Variants in ST8SIA1 observed in about 807,000 individuals in gnomAD.
ST8SIA1 encodes the protein ST8 alpha-N-acetyl-neuraminide alpha-2,8-sialyltransferase 1.
Under a neutral mutation model 35.9 loss-of-function variants are expected in ST8SIA1, and 16 were observed. That is an observed-to-expected ratio of 0.45 (90% CI 0.30 to 0.68). ST8SIA1 has a LOEUF of 0.68. ST8SIA1 is among the 30% of genes least tolerant of loss of function. The pLI is 0.09. For missense variants in ST8SIA1, 383 were observed against 453.6 expected (o/e 0.84, Z 1.41); for synonymous variants, 170 against 169.6 (o/e 1.00, Z -0.02).
intron 1 of ST8SIA1, among the ~76,000 whole-genome samples, chr12:22,321,366 G>T (rs1175053758): frequency 6.6e-6 from 1 of 152,194 alleles, no homozygotes; most frequent in Non-Finnish European, 1.5e-5. Flanking sequence ...GCCAAGCAGG[G>T]TTCACGCGGA....
chr12:22,298,370 C>T (rs1410548291), intron 1 of ST8SIA1, among the ~76,000 whole-genome samples: 1 of 152,108 alleles, frequency 6.6e-6, no homozygotes. Context: ...GGGACTAAAC[C>T]CTCATCCTGT....
intron 4 of ST8SIA1, among the ~76,000 whole-genome samples, chr12:22,216,610 T>G (rs949603503): frequency 1.5e-4 from 23 of 152,350 alleles, no homozygotes; most frequent in Middle Eastern, 3.4e-3. Flanking sequence ...ATCAAGGTAC[T>G]TGTCATCTTG....
At chr12:22,258,537 TTAAG>T (rs1156232075) in intron 2 of ST8SIA1, among the ~76,000 whole-genome samples, 1 of 151,942 alleles carries the variant, frequency 6.6e-6, no homozygotes, top group Non-Finnish European at 1.5e-5. Flanking sequence ...TATTGATAGA[TTAAG>T]TAAGACAACA....
chr12:22,272,045 C>T (rs1865916731), intron 2 of ST8SIA1, among the ~76,000 whole-genome samples: 1 of 152,178 alleles, frequency 6.6e-6, no homozygotes, highest in Admixed American at 6.5e-5. Context: ...ATCCTTACCA[C>T]TGAATGCTTA....
At chr12:22,317,637 C>T (rs578164055) in intron 1 of ST8SIA1, among the ~76,000 whole-genome samples, 2 of 152,286 alleles carry the variant, frequency 1.3e-5, no homozygotes, top group East Asian at 1.9e-4. Flanking sequence ...TCCCCCAGAG[C>T]GAGTGATCCC....
rs1865019288 is a variant in ST8SIA1 at position 22,198,877 on chromosome 12, TG to T, written c.*2674del. 1 of 152,124 alleles carries T rather than the reference TG, an allele frequency of 6.6e-6. No homozygotes were observed. The highest frequency in any genetic ancestry group is 2.4e-5 in the African/African-American group (1 of 41,418). 9.4% of individuals were successfully genotyped at this position (152,124 alleles called of 1,614,324 possible). A position where few individuals can be genotyped will look rare whatever the true frequency, so the allele number is the denominator to read the frequency against. ...GGATCCCTAACCTCTACTAAGTACA[TG>T]CTATTAGCACCCTTGAGTCATGAAA... On this transcript the variant is annotated 3_prime_UTR_variant, in exon 5 of 5. Coordinates refer to ENST00000396037, the MANE Select transcript of ST8SIA1 (RefSeq NM_003034.4).
chr12:22,314,051 G>T (rs560558798), intron 1 of ST8SIA1, among the ~76,000 whole-genome samples: 2 of 152,132 alleles, frequency 1.3e-5, no homozygotes, highest in African/African-American at 4.8e-5. Flanking sequence ...TCTGAGGAGG[G>T]ATAAAGGAGG....
At chr12:22,287,018 G>A in intron 2 of ST8SIA1, 131 bp downstream of exon 2, 2 of 834,226 alleles carry the variant, frequency 2.4e-6, no homozygotes, top group South Asian at 4.4e-5. Flanking sequence ...CAGATATAAA[G>A]AAAAACATTT....
At chr12:22,217,450 T>C (rs543580106) in intron 4 of ST8SIA1, among the ~76,000 whole-genome samples, 2 of 152,210 alleles carry the variant, frequency 1.3e-5, no homozygotes, top group African/African-American at 4.8e-5. Context: ...TTGATTTTCA[T>C]GTTCATATCT....
chr12:22,214,485 G>T (rs541953935), intron 4 of ST8SIA1, among the ~76,000 whole-genome samples: 1 of 151,066 alleles, frequency 6.6e-6, no homozygotes, highest in South Asian at 2.1e-4. Context: ...ACCTGGAAAT[G>T]GATTGTTGCA....
chr12:22,245,714 G>C (rs555566967), intron 4 of ST8SIA1, among the ~76,000 whole-genome samples: 1 of 152,184 alleles, frequency 6.6e-6, no homozygotes, highest in Non-Finnish European at 1.5e-5. Context: ...CTTCAGAGTG[G>C]GGGGCTGGTC....
intron 4 of ST8SIA1, among the ~76,000 whole-genome samples, chr12:22,229,096 T>C (rs1306147364): frequency 7.3e-6 from 1 of 137,410 alleles, no homozygotes; most frequent in Non-Finnish European, 1.6e-5. Context: ...CAGTGAAGAA[T>C]ATTGACTCTG....
At chr12:22,273,608 A>C (rs959972390) in intron 2 of ST8SIA1, among the ~76,000 whole-genome samples, 1 of 152,084 alleles carries the variant, frequency 6.6e-6, no homozygotes, top group Non-Finnish European at 1.5e-5. Context: ...CATTATGTTG[A>C]CTGCTTCCAA....
intron 2 of ST8SIA1, among the ~76,000 whole-genome samples, chr12:22,260,030 A>C (rs1194408142): frequency 6.6e-6 from 1 of 152,206 alleles, no homozygotes; most frequent in African/African-American, 2.4e-5. Flanking sequence ...TATGCAAGAA[A>C]ATAATCTACT....
chr12:22,245,926 G>C (rs1865596057), intron 4 of ST8SIA1, among the ~76,000 whole-genome samples: 1 of 152,210 alleles, frequency 6.6e-6, no homozygotes, highest in Admixed American at 6.5e-5. Context: ...AGGTTTCTGG[G>C]GGGTGGTGTG....
intron 4 of ST8SIA1, chr12:22,223,672 C>A: frequency 8.4e-7 from 1 of 1,195,818 alleles, no homozygotes. Flanking sequence ...ATTCTGCAGT[C>A]TATTGATTGC....
chr12:22,260,078 A>T (rs1865771500), intron 2 of ST8SIA1, among the ~76,000 whole-genome samples: 1 of 152,144 alleles, frequency 6.6e-6, no homozygotes, highest in Non-Finnish European at 1.5e-5. Flanking sequence ...ACTCTTGCTA[A>T]CCTTAAAAAA....
At chr12:22,238,703 T>C (rs941759887) in intron 4 of ST8SIA1, among the ~76,000 whole-genome samples, 1 of 152,218 alleles carries the variant, frequency 6.6e-6, no homozygotes, top group African/African-American at 2.4e-5. Context: ...TGCAATGTCA[T>C]TTTCCAGTAT....
chr12:22,298,869 A>G (rs983362499), intron 1 of ST8SIA1, among the ~76,000 whole-genome samples: 1 of 152,232 alleles, frequency 6.6e-6, no homozygotes, highest in Admixed American at 6.5e-5. Flanking sequence ...ACTTGAAAGC[A>G]ACAGTTAAGG....
Sources: gnomAD v4.1 joint callset for allele counts (sites outside exome capture counted in the v4.1 genomes callset) on GRCh38, gnomAD v4.1.1 for gene constraint, MANE v1.5 for transcripts, NCBI Gene and HGNC (gene_info 2026-07-23, HGNC 2026-07-21) for gene names.